The following ALPK1 variants were observed in gnomAD, a reference collection of about 807,000 sequenced individuals.
The protein encoded by ALPK1 is alpha kinase 1.
In ALPK1, 110 loss-of-function variants were observed where a neutral mutation model predicts 120.6. That is an observed-to-expected ratio of 0.91 (90% CI 0.78 to 1.07). The LOEUF (loss-of-function observed/expected upper bound fraction) is 1.07, where lower values mean the gene tolerates loss of function less well. Ranked by LOEUF, ALPK1 falls within the 50% of genes least tolerant of loss-of-function variation. The pLI is 0.00. For synonymous variants in ALPK1, 582 were observed against 560.3 expected (o/e 1.04, Z -0.55); for missense variants, 1,498 against 1,483.9 (o/e 1.01, Z -0.16).
Position 112,430,913 on chromosome 4 carries a change from C to G in ALPK1, c.1366C>G (p.Leu456Val). Reference sequence around the variant, plus strand: ...TGGGCAAGGGGATTTCCAAAAAATCCTTGACACCTATTCACAGCACCATAC... The same window carrying G: ...TGGGCAAGGGGATTTCCAAAAAATCGTTGACACCTATTCACAGCACCATAC... ...LHGQGDFQKI[L>V]DTYSQHHTSV... Residue 456 changes from leucine to valine, a missense_variant, in exon 11 of 16, where the codon CTT (leucine) becomes GTT (valine). Transcript: ENST00000650871. 6.2e-7 allele frequency: 1 copy of G among 1,614,136 alleles called. No individual in the cohort carries two copies. Among genetic ancestry groups the G allele is most frequent in the Non-Finnish European group, 8.5e-7 (1 of 1,180,006 alleles).
Position 112,431,362 on chromosome 4 carries a change from G to A in ALPK1, c.1815G>A (p.Arg605=), listed in dbSNP as rs1289280568. ...AAGTGAATTATCACGTTGACGACAGGTCAGCCAGAAAAGAGCCTGGCAAAG... is the reference window on the plus strand; with the variant it reads ...AAGTGAATTATCACGTTGACGACAGATCAGCCAGAAAAGAGCCTGGCAAAG... ...WEEVNYHVDD[R]SARKEPGKEH... The change falls in exon 11 of 16, where the codon AGG becomes AGA. Residue 605 remains arginine (R), a synonymous_variant. Transcript: ENST00000650871. 3.1e-6 allele frequency: 5 copies of A among 1,614,088 alleles called. No individual in the cohort carries two copies. Among genetic ancestry groups the A allele is most frequent in the East Asian group, 4.5e-5 (2 of 44,894 alleles).
At chr4:112,433,902 G>A (rs533631397) in intron 11 of ALPK1, among the ~76,000 whole-genome samples, 31 of 152,142 alleles carry the variant, frequency 2.0e-4, no homozygotes, top group African/African-American at 6.7e-4. Context: ...TCTGGAGTGC[G>A]GACCCAGGGA....
At chr4:112,421,928 A>G (rs1354620309) in intron 5 of ALPK1, among the ~76,000 whole-genome samples, 7 of 152,192 alleles carry the variant, frequency 4.6e-5, no homozygotes, top group African/African-American at 1.7e-4. Context: ...TAAAGGAAGC[A>G]CTTTACAGCT....
intron 12 of ALPK1, 29 bp downstream of exon 12, chr4:112,435,330 A>C (rs1171313870): frequency 1.4e-5 from 22 of 1,594,596 alleles, no homozygotes; most frequent in Non-Finnish European, 1.9e-5. Flanking sequence ...TGTATAACTA[A>C]TGTAAGATGA....
chr4:112,341,202 G>A (rs1371574274), intron 2 of ALPK1, among the ~76,000 whole-genome samples: 3 of 152,190 alleles, frequency 2.0e-5, no homozygotes, highest in Non-Finnish European at 4.4e-5. Flanking sequence ...TCATGAAAGC[G>A]TGTTCTTTCC....
intron 2 of ALPK1, among the ~76,000 whole-genome samples, chr4:112,341,870 C>T (rs914050764): frequency 2.6e-5 from 4 of 152,146 alleles, no homozygotes; most frequent in Non-Finnish European, 4.4e-5. Context: ...TAAGTCATAG[C>T]GTGTACAAAA....
intron 2 of ALPK1, among the ~76,000 whole-genome samples, chr4:112,333,700 A>G (rs1729485869): frequency 6.6e-6 from 1 of 152,224 alleles, no homozygotes; most frequent in Non-Finnish European, 1.5e-5. Context: ...TTAGCACTTA[A>G]GAATCCATTT....
chr4:112,439,150 A>G (rs1007107195), intron 13 of ALPK1, among the ~76,000 whole-genome samples: 5 of 152,142 alleles, frequency 3.3e-5, no homozygotes, highest in Non-Finnish European at 7.4e-5. Context: ...CCCCGAATAT[A>G]TTAGATCCTG....
chr4:112,377,533 A>G (rs1731719771), intron 2 of ALPK1, 145 bp from the exon 3 acceptor site: 1 of 270,310 alleles, frequency 3.7e-6, no homozygotes, highest in African/African-American at 2.2e-5. Flanking sequence ...CAGGCCCTGC[A>G]GTAATTTCAC....
At chr4:112,298,447 C>G (rs111582741) in intron 1 of ALPK1, among the ~76,000 whole-genome samples, 2 of 152,074 alleles carry the variant, frequency 1.3e-5, no homozygotes, top group African/African-American at 4.8e-5. Context: ...CTCTTCCCAC[C>G]TCCTTCCCAC....
chr4:112,432,315 A>C lies in ALPK1; in HGVS notation c.2768A>C (p.Asn923Thr). The change falls in exon 11 of 16, where the codon AAC becomes ACC. Residue 923 changes from asparagine to threonine, a missense_variant. Physicochemically the swap from Asn to Thr is moderately conservative, Grantham distance 65. Transcript: ENST00000650871. The stretch of plus-strand genomic sequence containing the variant: ...GGAAACATGCTAAACTGCAGCCAGA[A>C]CTCCAGCTCATCCTCAGTGTGGTGG... ...QPGNMLNCSQ[N>T]SSSSSVWWLK... The C allele has an allele frequency of 6.2e-7, 1 of 1,614,058 alleles. No individual in the cohort carries two copies.
rs1029242312 is a variant in ALPK1 at position 112,441,606 on chromosome 4, G to A, written c.*396G>A. 3.8e-5 allele frequency: 7 copies of A among 183,280 alleles called. No individual in the cohort carries two copies. Among genetic ancestry groups the A allele is most frequent in the African/African-American group, 1.4e-4 (6 of 42,438 alleles). The allele number at this position is 183,280 out of a possible 1,614,324, so 11.4% of individuals were successfully genotyped here. The stretch of plus-strand genomic sequence containing the variant: ...AAAAAAATGTGAGCCTTTGTGATAC[G>A]AATTCAATTTGTTTTCCTGTCTTTT... On this transcript the variant is annotated 3_prime_UTR_variant, in exon 16 of 16. Coordinates refer to ENST00000650871, the MANE Select transcript of ALPK1 (RefSeq NM_025144.4).
At chr4:112,392,263 C>T (rs910466145) in intron 4 of ALPK1, among the ~76,000 whole-genome samples, 1 of 152,136 alleles carries the variant, frequency 6.6e-6, no homozygotes, top group African/African-American at 2.4e-5. Flanking sequence ...ACTTTATCCA[C>T]CCCCAGCGAT....
At chr4:112,302,694 G>A (rs1313409966) in intron 1 of ALPK1, among the ~76,000 whole-genome samples, 1 of 151,870 alleles carries the variant, frequency 6.6e-6, no homozygotes, top group Non-Finnish European at 1.5e-5. Flanking sequence ...CCTCTGCTGC[G>A]GCAGTAAGCA....
At chr4:112,418,278 G>A (rs114388849) in intron 5 of ALPK1, among the ~76,000 whole-genome samples, 1 of 152,352 alleles carries the variant, frequency 6.6e-6, no homozygotes, top group African/African-American at 2.4e-5. Context: ...TCTGAATGTT[G>A]GGGGAAGCCA....
intron 10 of ALPK1, 65 bp downstream of exon 10, chr4:112,429,318 C>A: frequency 1.6e-6 from 2 of 1,279,812 alleles, no homozygotes; most frequent in South Asian, 1.4e-5. Flanking sequence ...TCTGATGTAA[C>A]CAGTGAGAAG....
At chr4:112,425,574 A>C in intron 6 of ALPK1, 91 bp from the exon 7 acceptor site, 1 of 1,034,690 alleles carries the variant, frequency 9.7e-7, no homozygotes, top group Non-Finnish European at 1.5e-6. Context: ...AAATGATGTC[A>C]CATGTGCTCA....
intron 11 of ALPK1, among the ~76,000 whole-genome samples, chr4:112,433,038 A>C (rs117743418): frequency 6.6e-6 from 1 of 152,098 alleles, no homozygotes; most frequent in Admixed American, 6.5e-5. Context: ...ATTTTTCTCT[A>C]TCTTTCCCCA....
intron 1 of ALPK1, among the ~76,000 whole-genome samples, chr4:112,308,038 T>C (rs1728197201): frequency 1.3e-5 from 2 of 152,102 alleles, no homozygotes. Context: ...AAATTCTGGG[T>C]TGAAAATTCG....
Sources: allele counts gnomAD v4.1 joint callset (sites outside exome capture counted in the v4.1 genomes callset), GRCh38; gene constraint gnomAD v4.1.1; transcripts MANE v1.5; gene names NCBI Gene and HGNC (gene_info 2026-07-23, HGNC 2026-07-21).